Variants in MTHFD2L observed in about 807,000 individuals in gnomAD.
MTHFD2L encodes the protein bifunctional methylenetetrahydrofolate dehydrogenase/cyclohydrolase 2, mitochondrial.
MTHFD2L carries 29 observed loss-of-function variants against 34.9 expected under a neutral mutation model. The observed-to-expected ratio is 0.83, with a 90% CI of 0.62 to 1.13. MTHFD2L has a LOEUF of 1.13. Ranked by LOEUF, MTHFD2L falls within the 50% of genes most tolerant of loss-of-function variation. The pLI, the probability that MTHFD2L is intolerant of heterozygous loss-of-function variation, is 0.00. For missense variants in MTHFD2L, 481 were observed against 446.5 expected (o/e 1.08, Z -0.70); for synonymous variants, 167 against 155.7 (o/e 1.07, Z -0.54).
At chr4:74,236,047 T>C (rs1224725591) in intron 6 of MTHFD2L, among the ~76,000 whole-genome samples, 1 of 152,196 alleles carries the variant, frequency 6.6e-6, no homozygotes, top group East Asian at 1.9e-4. Context: ...CTTTAATAAA[T>C]GTTCCCAGCA....
At chr4:74,257,657 T>A (rs1352713553) in intron 6 of MTHFD2L, among the ~76,000 whole-genome samples, 5 of 152,156 alleles carry the variant, frequency 3.3e-5, no homozygotes, top group Non-Finnish European at 7.4e-5. Context: ...AAATATACTT[T>A]GGGAAAAAGC....
At chr4:74,207,051 C>T (rs973286150) in intron 5 of MTHFD2L, among the ~76,000 whole-genome samples, 1 of 152,020 alleles carries the variant, frequency 6.6e-6, no homozygotes, top group Non-Finnish European at 1.5e-5. Flanking sequence ...GCACACACCA[C>T]CACACCCAGA....
intron 3 of MTHFD2L, among the ~76,000 whole-genome samples, chr4:74,191,714 G>A (rs1165350166): frequency 6.6e-6 from 1 of 151,688 alleles, no homozygotes; most frequent in African/African-American, 2.4e-5. Context: ...CCACGCCCAG[G>A]TAATTTTTTG....
chr4:74,247,139 T>A (rs1373020986), intron 6 of MTHFD2L, among the ~76,000 whole-genome samples: 2 of 151,068 alleles, frequency 1.3e-5, no homozygotes, highest in Non-Finnish European at 2.9e-5. Flanking sequence ...TTTGTTTGTA[T>A]CCTCTTTTAT....
At chr4:74,255,851 G>A (rs1406598677) in intron 6 of MTHFD2L, among the ~76,000 whole-genome samples, 1 of 152,104 alleles carries the variant, frequency 6.6e-6, no homozygotes, top group Non-Finnish European at 1.5e-5. Context: ...TTGTGGCTGT[G>A]TACCATTCCA....
chr4:74,199,593 T>C (rs967299887), intron 3 of MTHFD2L, among the ~76,000 whole-genome samples: 1 of 152,052 alleles, frequency 6.6e-6, no homozygotes, highest in Non-Finnish European at 1.5e-5. Context: ...ATACTCCAAC[T>C]GCAGTTCATT....
intron 6 of MTHFD2L, among the ~76,000 whole-genome samples, chr4:74,275,036 G>A (rs1227815894): frequency 3.3e-5 from 5 of 152,046 alleles, no homozygotes; most frequent in Non-Finnish European, 7.4e-5. Context: ...GTGGTTTGCT[G>A]CACCTATCAA....
At chr4:74,294,682 A>G (rs1749415240) in intron 7 of MTHFD2L, among the ~76,000 whole-genome samples, 1 of 152,072 alleles carries the variant, frequency 6.6e-6, no homozygotes, top group Non-Finnish European at 1.5e-5. Flanking sequence ...CATCTCTATC[A>G]TCACCTCAAA....
intron 1 of MTHFD2L, among the ~76,000 whole-genome samples, chr4:74,171,994 GAACCATTCA>G (rs1357110357): frequency 1.3e-5 from 2 of 152,056 alleles, no homozygotes; most frequent in Non-Finnish European, 2.9e-5. Context: ...AAAAAGAAAT[GAACCATTCA>G]AACATGCAAC....
chr4:74,187,066 G>A (rs923736432), intron 3 of MTHFD2L, among the ~76,000 whole-genome samples: 2 of 152,102 alleles, frequency 1.3e-5, no homozygotes, highest in Admixed American at 1.3e-4. Context: ...AAAAGAATGC[G>A]ATTTTCAACA....
rs373987410 is a variant in MTHFD2L, at chr4:74,187,009, T to G, written c.451+11606T>G. Among the ~76,000 whole-genome samples, 23 of 152,280 alleles carry G rather than the reference T, an allele frequency of 1.5e-4. No homozygotes were observed. The East Asian group carries it at 3.3e-3, about 22-fold the overall frequency. ...AAGTCCAGAAAGAGATTCACACTTATATTGATAACTGATTTCTGACAAAAG... is the reference window on the plus strand; with the variant it reads ...AAGTCCAGAAAGAGATTCACACTTAGATTGATAACTGATTTCTGACAAAAG... On this transcript the variant is annotated intron_variant, in intron 3 of 7. Coordinates refer to ENST00000325278, the MANE Select transcript of MTHFD2L (RefSeq NM_001144978.3).
chr4:74,280,768 G>A (rs999269143), intron 6 of MTHFD2L, among the ~76,000 whole-genome samples: 4 of 151,854 alleles, frequency 2.6e-5, no homozygotes, highest in African/African-American at 4.8e-5. Flanking sequence ...CCAATAGTGA[G>A]GAGAGCTTAC....
intron 6 of MTHFD2L, among the ~76,000 whole-genome samples, chr4:74,255,064 G>A (rs1743829124): frequency 6.8e-6 from 1 of 146,250 alleles, no homozygotes; most frequent in African/African-American, 2.5e-5. Flanking sequence ...GAACCAGGGA[G>A]GCGGAGGTTA....
chr4:74,152,520 T>C (rs546176820), intron 1 of MTHFD2L, among the ~76,000 whole-genome samples: 1 of 152,316 alleles, frequency 6.6e-6, no homozygotes, highest in African/African-American at 2.4e-5. Context: ...CAATACTTTT[T>C]TTTTTACTTT....
At chr4:74,140,616 T>A (rs984917143) in intron 1 of MTHFD2L, 2 of 831,696 alleles carry the variant, frequency 2.4e-6, no homozygotes, top group African/African-American at 1.8e-5. Context: ...ATTCTCACAC[T>A]GCTATAAGGA....
chr4:74,275,723 T>C (rs1218182758), intron 6 of MTHFD2L, among the ~76,000 whole-genome samples: 1 of 152,106 alleles, frequency 6.6e-6, no homozygotes, highest in African/African-American at 2.4e-5. Flanking sequence ...TTTTTATGTG[T>C]ATGTTGGCCA....
At chr4:74,157,912 C>G (rs1429458088), upstream of MTHFD2L, 27 of 717,508 alleles carry the variant, frequency 3.8e-5, no homozygotes, top group Non-Finnish European at 5.4e-5. Flanking sequence ...TCAGAGGGCC[C>G]GGGACTTGGG....
chr4:74,241,280 T>C (rs1578584846), intron 6 of MTHFD2L, among the ~76,000 whole-genome samples: 1 of 152,340 alleles, frequency 6.6e-6, no homozygotes, highest in African/African-American at 2.4e-5. Context: ...CAGATGACAT[T>C]AATAACTTGT....
At chr4:74,253,476 G>A (rs1360973010) in intron 6 of MTHFD2L, among the ~76,000 whole-genome samples, 1 of 152,184 alleles carries the variant, frequency 6.6e-6, no homozygotes, top group Admixed American at 6.5e-5. Context: ...AAATTAGAGA[G>A]TATAGGAAGG....
Sources: gnomAD v4.1 joint callset for allele counts (sites outside exome capture counted in the v4.1 genomes callset) on GRCh38, gnomAD v4.1.1 for gene constraint, MANE v1.5 for transcripts, NCBI Gene and HGNC (gene_info 2026-07-23, HGNC 2026-07-21) for gene names.